MYO10: variants seen among roughly 807,000 people sequenced by gnomAD.
The protein encoded by MYO10 is myosin X, also known as unconventional myosin-X.
A neutral mutation model predicts 257.3 loss-of-function variants in MYO10; 133 were observed. The observed-to-expected ratio is 0.52, with a 90% CI of 0.45 to 0.60. The LOEUF (loss-of-function observed/expected upper bound fraction) is 0.60. Among genes scored for constraint, MYO10 ranks in the 20% least tolerant of loss-of-function variants. The probability of loss-of-function intolerance (pLI) is 0.00; values close to 1 mark genes in which losing one functional copy is unlikely to be tolerated. For synonymous variants in MYO10, 1,104 were observed against 1,028.6 expected, an observed-to-expected ratio of 1.07 and a Z score of -1.40; for missense variants, 2,399 against 2,635.7, an observed-to-expected ratio of 0.91 and a Z score of 1.97.
intron 9 of MYO10, among the ~76,000 whole-genome samples, chr5:16,777,985 A>C (rs1048071276): frequency 6.6e-6 from 1 of 150,926 alleles, no homozygotes; most frequent in African/African-American, 2.4e-5. Flanking sequence ...AGTAGCTGGG[A>C]CTGCAGTCGC....
rs2126563174 is a variant in MYO10, at chr5:16,705,687, G to A, written c.2170-1002C>T. ...AAATGGTGCATCACGTTCTCCCAAT[G>A]GCACATTTTTCCAGGTTCTCTGCTC... is the stretch of plus-strand genomic sequence containing the variant. On this transcript the variant is annotated intron_variant, in intron 21 of 40. Transcript: ENST00000513610. Among the ~76,000 whole-genome samples the A allele has an allele frequency of 2.0e-5, 3 of 152,142 alleles. 1 individual carries two copies. In the South Asian group the frequency reaches 6.2e-4, roughly 32 times the overall value.
In MYO10 at chr5:16,701,705, A is replaced by G. The variant is rs1738088126; in HGVS notation, c.2690T>C (p.Ile897Thr). ...VEEILRLEKE[I>T]EDLQRMKEQQ... ...CTCCTTCATGCGCTGCAGGTCCTCGATTTCTTTCTCCAGACGGAGGATCTC... is the reference window on the plus strand; with the variant it reads ...CTCCTTCATGCGCTGCAGGTCCTCGGTTTCTTTCTCCAGACGGAGGATCTC... Residue 897 changes from isoleucine (I) to threonine (T), a missense_variant, in exon 25 of 41, where the codon ATC becomes ACC. By Grantham distance (89) the Ile-to-Thr change is moderately conservative. Coordinates refer to ENST00000513610, the MANE Select transcript of MYO10 (RefSeq NM_012334.3). This position sits in a 1 kb window ranked among gnomAD's most constrained non-coding sequence, Gnocchi z 8.1. 2.5e-6 allele frequency: 4 copies of G among 1,613,892 alleles called. No homozygotes were observed. The East Asian group carries it at 8.9e-5, about 36-fold the overall frequency.
At chr5:16,812,124 G>C (rs901343382) in intron 3 of MYO10, among the ~76,000 whole-genome samples, 2 of 152,180 alleles carry the variant, frequency 1.3e-5, no homozygotes, top group Non-Finnish European at 1.5e-5. Context: ...ATAGCCAAGA[G>C]GTTCAGGGTG....
chr5:16,672,838 C>A lies in MYO10; in HGVS notation c.5173-13G>T, dbSNP rs900305521. ...GCTTCTCCACCACCTGGAAGACACACCAGGGGGACTTCAGTTCCACAGGCT... is the reference window on the plus strand; with the variant it reads ...GCTTCTCCACCACCTGGAAGACACAACAGGGGGACTTCAGTTCCACAGGCT... On this transcript the variant is annotated splice_polypyrimidine_tract_variant and intron_variant, in intron 36 of 40. Transcript: ENST00000513610. The A allele has an allele frequency of 1.2e-6, 2 of 1,611,080 alleles. No homozygotes were observed. The highest frequency in any genetic ancestry group is 1.7e-6 in the Non-Finnish European group (2 of 1,178,584).
intron 1 of MYO10, among the ~76,000 whole-genome samples, chr5:16,878,416 G>A (rs928440746): frequency 6.6e-6 from 1 of 152,124 alleles, no homozygotes; most frequent in African/African-American, 2.4e-5. Flanking sequence ...TTAAAAGATG[G>A]CAACTTCCAG....
rs566215727 is a variant in MYO10 at position 16,674,616 on chromosome 5, C to T, written c.4964+237G>A. 7.7e-4 allele frequency among the ~76,000 whole-genome samples: 115 copies of T among 149,976 alleles called. 1 individual carries two copies. The highest frequency in any genetic ancestry group is 2.8e-3 in the African/African-American group (114 of 40,718). On this transcript the variant is annotated intron_variant, in intron 35 of 40. Coordinates refer to ENST00000513610, the MANE Select transcript of MYO10 (RefSeq NM_012334.3). ...CAGTGGTAATTAATTGATCCAATGT[C>T]CTATACATTAGGACATTACACCAAC...
intron 36 of MYO10, among the ~76,000 whole-genome samples, chr5:16,673,192 T>G (rs1259328868): frequency 7.6e-6 from 1 of 131,602 alleles, no homozygotes; most frequent in African/African-American, 3.3e-5. Context: ...CCAGATGACG[T>G]TTTTTTTTTT....
chr5:16,748,291 C>T (rs28617579), intron 19 of MYO10, among the ~76,000 whole-genome samples: 3,560 of 152,084 alleles, frequency 0.023, 136 homozygotes, highest in African/African-American at 0.078. Context: ...CTCACCCAGG[C>T]GGGAGTGCAG....
chr5:16,934,538 CT>C (rs1746380993), intron 1 of MYO10, among the ~76,000 whole-genome samples: 1 of 152,192 alleles, frequency 6.6e-6, no homozygotes, highest in African/African-American at 2.4e-5. Context: ...AAACAAAAGT[CT>C]ATGGACTAGA....
intron 1 of MYO10, among the ~76,000 whole-genome samples, chr5:16,932,800 C>G (rs903620512): frequency 7.1e-6 from 1 of 141,374 alleles, no homozygotes; most frequent in Non-Finnish European, 1.6e-5. Flanking sequence ...AAGAGTCTAT[C>G]TATTTTGTGA....
At chr5:16,761,809 G>C (rs1025091846) in intron 16 of MYO10, among the ~76,000 whole-genome samples, 21 of 151,850 alleles carry the variant, frequency 1.4e-4, no homozygotes, top group Admixed American at 4.6e-4. Flanking sequence ...CACCATGCCA[G>C]GCTAACTTTT....
chr5:16,777,262 A>C (rs1373114063), intron 9 of MYO10, among the ~76,000 whole-genome samples: 2 of 152,198 alleles, frequency 1.3e-5, no homozygotes, highest in African/African-American at 4.8e-5. Context: ...AATAGGAGAG[A>C]TGGAGCGAGA....
At position 16,702,919 on chromosome 5, in the gene MYO10, C is replaced by T; in HGVS notation, c.2510+6G>A. The stretch of plus-strand genomic sequence containing the variant: ...TTGTTTCATCCCAGCAAGAAAGGTA[C>T]TGTACCTTTCTTCTTCCTCCCGTTT... On this transcript the variant is annotated splice_donor_region_variant and intron_variant, in intron 23 of 40. Transcript: ENST00000513610. 2 of 1,549,892 alleles carry T rather than the reference C, an allele frequency of 1.3e-6. No homozygotes were observed. The highest frequency in any genetic ancestry group is 2.4e-5 in the South Asian group (2 of 83,964).
rs1746430186 is a variant in MYO10, at chr5:16,935,937, G to C, written c.-129C>G. 9.0e-7 allele frequency: 1 copy of C among 1,112,534 alleles called. No homozygotes were observed. Among genetic ancestry groups the C allele is most frequent in the Admixed American group, 2.1e-5 (1 of 48,652 alleles). The allele number at this position is 1,112,534 out of a possible 1,614,324, so 68.9% of individuals were successfully genotyped here. ...GGACGCGCGCCCGCGGGGCTCCCCT[G>C]CTGCCATCGCCCGGTCCCTTCTTGT... On this transcript the variant is annotated 5_prime_UTR_variant, in exon 1 of 41. Coordinates refer to ENST00000513610, the MANE Select transcript of MYO10 (RefSeq NM_012334.3).
intron 3 of MYO10, among the ~76,000 whole-genome samples, chr5:16,801,049 T>C (rs931813748): frequency 3.9e-5 from 6 of 152,162 alleles, no homozygotes; most frequent in Non-Finnish European, 5.9e-5. Context: ...CTGCCTCAGA[T>C]GTGTGACGAT....
intron 19 of MYO10, chr5:16,713,323 C>T: frequency 2.0e-6 from 2 of 985,856 alleles, no homozygotes; most frequent in South Asian, 4.7e-5. Flanking sequence ...AGTTCAGCCA[C>T]ACTCACCATC....
At chr5:16,927,619 C>T (rs1484893451) in intron 1 of MYO10, among the ~76,000 whole-genome samples, 1 of 152,110 alleles carries the variant, frequency 6.6e-6, no homozygotes, top group Non-Finnish European at 1.5e-5. Flanking sequence ...CCACCGCGCC[C>T]GGCCTTTAAC....
At chr5:16,722,091 C>A (rs776055172) in intron 19 of MYO10, among the ~76,000 whole-genome samples, 1 of 152,168 alleles carries the variant, frequency 6.6e-6, no homozygotes, top group Non-Finnish European at 1.5e-5. Flanking sequence ...CTGAAATGTA[C>A]CATCTGTTGA....
At chr5:16,797,903 T>C (rs1367393486) in intron 3 of MYO10, among the ~76,000 whole-genome samples, 1 of 152,226 alleles carries the variant, frequency 6.6e-6, no homozygotes, top group Admixed American at 6.5e-5. Context: ...TGTTGAAATT[T>C]AATTGCCATT....
Sources: gnomAD v4.1 joint callset for allele counts (sites outside exome capture counted in the v4.1 genomes callset) on GRCh38, gnomAD v4.1.1 for gene constraint, Gnocchi (gnomAD v3.1) non-coding constraint, MANE v1.5 for transcripts, NCBI Gene and HGNC (gene_info 2026-07-23, HGNC 2026-07-21) for gene names.